Variants in TNS3 observed in about 807,000 individuals in gnomAD.
TNS3 encodes the protein tensin 3, also known as tensin-3.
Under a neutral mutation model 140.9 loss-of-function variants are expected in TNS3, and 45 were observed. The ratio of observed to expected loss-of-function variants is 0.32; its 90% CI spans 0.25 to 0.41. The LOEUF (loss-of-function observed/expected upper bound fraction) is 0.41, where lower values mean the gene tolerates loss of function less well. TNS3 is among the 10% of genes least tolerant of loss of function. The probability of loss-of-function intolerance (pLI) is 1.00; values close to 1 mark genes in which losing one functional copy is unlikely to be tolerated. For synonymous variants in TNS3, 815 were observed against 788.4 expected (o/e 1.03, Z -0.56); for missense variants, 1,716 against 1,906.7 (o/e 0.90, Z 1.86).
chr7:47,574,751 A>C (rs1360351200), intron 1 of TNS3, among the ~76,000 whole-genome samples: 5 of 152,198 alleles, frequency 3.3e-5, no homozygotes, highest in African/African-American at 7.2e-5. Context: ...GAAATAAACA[A>C]ATCACAAAAA....
At chr7:47,499,254 TATA>T (rs2151855681) in intron 3 of TNS3, among the ~76,000 whole-genome samples, 1 of 152,188 alleles carries the variant, frequency 6.6e-6, no homozygotes, top group East Asian at 1.9e-4. Context: ...GAGACACAGG[TATA>T]AACATGCCTC....
chr7:47,360,496 G>T (rs1453934263), intron 17 of TNS3, among the ~76,000 whole-genome samples: 1 of 152,214 alleles, frequency 6.6e-6, no homozygotes, highest in Non-Finnish European at 1.5e-5. Flanking sequence ...TTGGCTCCCA[G>T]ACCTCCTCTA....
chr7:47,423,543 T>C (rs996213643), intron 10 of TNS3, among the ~76,000 whole-genome samples: 1 of 152,138 alleles, frequency 6.6e-6, no homozygotes, highest in Non-Finnish European at 1.5e-5. Flanking sequence ...GACAGAAAAA[T>C]ACTCCGTGGC....
At chr7:47,569,065 A>G (rs1445646225) in intron 1 of TNS3, among the ~76,000 whole-genome samples, 1 of 152,212 alleles carries the variant, frequency 6.6e-6, no homozygotes, top group South Asian at 2.1e-4. Flanking sequence ...CCTATGTATT[A>G]TATGAACCCA....
chr7:47,549,653 T>C (rs1800010228), intron 1 of TNS3, among the ~76,000 whole-genome samples: 1 of 152,092 alleles, frequency 6.6e-6, no homozygotes, highest in African/African-American at 2.4e-5. Context: ...CTGCTCAGTT[T>C]ATGCCTCTCC....
At chr7:47,492,953 G>A (rs1285516826) in intron 3 of TNS3, among the ~76,000 whole-genome samples, 2 of 152,228 alleles carry the variant, frequency 1.3e-5, no homozygotes, top group African/African-American at 4.8e-5. Context: ...CTCGGGCGAT[G>A]ACATCAGCTA....
chr7:47,548,216 C>A (rs988937372), intron 1 of TNS3, among the ~76,000 whole-genome samples: 1 of 152,154 alleles, frequency 6.6e-6, no homozygotes, highest in Non-Finnish European at 1.5e-5. Flanking sequence ...CAGCTCCTAA[C>A]CTTCACGTTT....
intron 23 of TNS3, among the ~76,000 whole-genome samples, chr7:47,299,981 C>G (rs1425012559): frequency 1.3e-5 from 2 of 152,196 alleles, no homozygotes; most frequent in Non-Finnish European, 2.9e-5. Context: ...ACAACTGGGA[C>G]AGTAGTACTT....
At chr7:47,327,949 G>T (rs1788116209) in intron 20 of TNS3, among the ~76,000 whole-genome samples, 1 of 152,032 alleles carries the variant, frequency 6.6e-6, no homozygotes, top group Admixed American at 6.5e-5. Flanking sequence ...GACTGAGCAG[G>T]AAGAAGCAAT....
intron 13 of TNS3, among the ~76,000 whole-genome samples, chr7:47,411,129 G>C (rs374598525): frequency 6.6e-6 from 1 of 152,170 alleles, no homozygotes; most frequent in Non-Finnish European, 1.5e-5. Context: ...AGAACACAGG[G>C]GTTCTCAGAA....
chr7:47,409,661 T>G (rs1793653819), intron 13 of TNS3, among the ~76,000 whole-genome samples: 1 of 150,394 alleles, frequency 6.6e-6, no homozygotes, highest in Admixed American at 6.6e-5. Context: ...GGCCTATTCT[T>G]TTTTTTTTAC....
intron 1 of TNS3, among the ~76,000 whole-genome samples, chr7:47,563,257 T>G (rs988915843): frequency 6.6e-6 from 1 of 152,140 alleles, no homozygotes; most frequent in Non-Finnish European, 1.5e-5. Flanking sequence ...ACGACAAAGA[T>G]CTAAAGTCCA....
intron 20 of TNS3, among the ~76,000 whole-genome samples, chr7:47,306,548 C>A (rs750984710): frequency 6.6e-6 from 1 of 151,954 alleles, no homozygotes; most frequent in African/African-American, 2.4e-5. Flanking sequence ...TTATTTAGCA[C>A]GAATTCTTTT....
intron 22 of TNS3, 34 bp from the exon 23 acceptor site, chr7:47,302,306 T>C (rs1359272309): frequency 8.3e-6 from 13 of 1,560,492 alleles, no homozygotes; most frequent in Non-Finnish European, 1.1e-5. Context: ...GTGACCATGA[T>C]GGGCACTTTT....
intron 16 of TNS3, among the ~76,000 whole-genome samples, chr7:47,394,582 A>G (rs1029694119): frequency 6.6e-5 from 10 of 152,256 alleles, no homozygotes; most frequent in African/African-American, 1.9e-4. Flanking sequence ...TTCAGGAGAC[A>G]CTGCGGTGGC....
chr7:47,559,219 G>T (rs1240399465), intron 1 of TNS3, among the ~76,000 whole-genome samples: 1 of 152,080 alleles, frequency 6.6e-6, no homozygotes, highest in Non-Finnish European at 1.5e-5. Context: ...GCATGGTGAC[G>T]CGCGCCTGTA....
At chr7:47,354,801 T>G (rs903373103) in intron 17 of TNS3, among the ~76,000 whole-genome samples, 4 of 152,086 alleles carry the variant, frequency 2.6e-5, no homozygotes, top group African/African-American at 9.7e-5. Flanking sequence ...TTACACAGTC[T>G]TGTGCCCCTC....
At chr7:47,319,367 T>G (rs542938090) in intron 20 of TNS3, among the ~76,000 whole-genome samples, 1 of 150,966 alleles carries the variant, frequency 6.6e-6, no homozygotes, top group East Asian at 2.0e-4. Flanking sequence ...CATCACATGG[T>G]GAGAGGAAGG....
intron 30 of TNS3, 189 bp downstream of exon 30, chr7:47,279,975 C>G: frequency 1.5e-6 from 1 of 674,322 alleles, no homozygotes; most frequent in Non-Finnish European, 2.5e-6. Context: ...CAACAGCCGG[C>G]AGAAAAGTTA....
Sources: gnomAD v4.1 joint callset for allele counts (sites outside exome capture counted in the v4.1 genomes callset) on GRCh38, gnomAD v4.1.1 for gene constraint, MANE v1.5 for transcripts, NCBI Gene and HGNC (gene_info 2026-07-23, HGNC 2026-07-21) for gene names.